PGBD5: variants seen among roughly 807,000 people sequenced by gnomAD.
PGBD5 encodes the protein piggyBac transposable element derived 5.
PGBD5 carries 14 observed loss-of-function variants against 47.9 expected under a neutral mutation model. That is an observed-to-expected ratio of 0.29 (90% CI 0.19 to 0.46). The LOEUF (loss-of-function observed/expected upper bound fraction) is 0.46, where lower values mean the gene tolerates loss of function less well. Ranked by LOEUF, PGBD5 falls within the 20% of genes least tolerant of loss-of-function variation. The pLI is 1.00. For missense variants in PGBD5, 635 were observed against 716.0 expected, an observed-to-expected ratio of 0.89 and a Z score of 1.29; for synonymous variants, 316 against 306.3, an observed-to-expected ratio of 1.03 and a Z score of -0.33.
intron 4 of PGBD5, among the ~76,000 whole-genome samples, chr1:230,335,706 TACACA>T (rs1667303277): frequency 5.2e-3 from 1 of 194 alleles, no homozygotes; most frequent in African/African-American, 0.011. Context: ...TACACATACA[TACACA>T]GGTACACATA....
chr1:230,358,316 G>A lies in PGBD5; in HGVS notation c.332-995C>T, dbSNP rs921251353. ...GGGGAGGGAGGAGATGCAAAGACAC[G>A]TGGTGTTTCTAACACAGGGGCATGG... On this transcript the variant is annotated intron_variant, in intron 1 of 6. Coordinates refer to ENST00000391860, the MANE Select transcript of PGBD5 (RefSeq NM_001258311.2). Among the ~76,000 whole-genome samples, 8 of 152,214 alleles carry A rather than the reference G, an allele frequency of 5.3e-5. No homozygotes were observed. In the South Asian group the frequency reaches 1.2e-3, roughly 24 times the overall value.
chr1:230,354,306 G>T (rs1667602699), intron 2 of PGBD5, among the ~76,000 whole-genome samples: 1 of 152,052 alleles, frequency 6.6e-6, no homozygotes, highest in African/African-American at 2.4e-5. Context: ...GAGTGTGCTG[G>T]GTGTTCTCTG....
chr1:230,382,994 G>A lies in PGBD5; in HGVS notation c.332-25673C>T, dbSNP rs184220151. On this transcript the variant is annotated intron_variant, in intron 1 of 6. Transcript: ENST00000391860. ...TTGGTGGGGCAGCTGTCCGGGCAAT[G>A]GTTCTCTGCCATCTCGCTATTTATT... is the stretch of plus-strand genomic sequence containing the variant. Among the ~76,000 whole-genome samples, 800 of 152,248 alleles carry A rather than the reference G, an allele frequency of 5.3e-3. 1 individual carries two copies. Among genetic ancestry groups the A allele is most frequent in the Non-Finnish European group, 8.2e-3 (557 of 68,002 alleles).
chr1:230,360,191 A>C (rs1300804594), intron 1 of PGBD5, among the ~76,000 whole-genome samples: 1 of 152,216 alleles, frequency 6.6e-6, no homozygotes, highest in Non-Finnish European at 1.5e-5. Context: ...GGCCATTTCA[A>C]AATGAATTCA....
intron 4 of PGBD5, among the ~76,000 whole-genome samples, chr1:230,336,768 G>A (rs908780749): frequency 6.6e-6 from 1 of 152,150 alleles, no homozygotes; most frequent in African/African-American, 2.4e-5. Flanking sequence ...AGACTTCCTA[G>A]AGCCTTACTA....
intron 1 of PGBD5, among the ~76,000 whole-genome samples, chr1:230,362,572 G>A (rs924028380): frequency 6.6e-6 from 1 of 152,158 alleles, no homozygotes; most frequent in Non-Finnish European, 1.5e-5. Flanking sequence ...CTGACTCGGT[G>A]CCTCTCCTTG....
intron 6 of PGBD5, 32 bp downstream of exon 6, chr1:230,325,278 C>T (rs761860519): frequency 6.8e-7 from 1 of 1,471,342 alleles, no homozygotes; most frequent in Non-Finnish European, 9.5e-7. Flanking sequence ...ACTATGAGAG[C>T]CCTTCTGTCA....
intron 1 of PGBD5, among the ~76,000 whole-genome samples, chr1:230,363,447 T>G (rs1667781084): frequency 6.6e-6 from 1 of 152,044 alleles, no homozygotes; most frequent in Non-Finnish European, 1.5e-5. Flanking sequence ...CTGGGTGTGG[T>G]GGCGGGCGCC....
chr1:230,381,736 G>T (rs368326937), intron 1 of PGBD5, among the ~76,000 whole-genome samples: 1 of 152,100 alleles, frequency 6.6e-6, no homozygotes, highest in African/African-American at 2.4e-5. Context: ...TCCCGGAGCC[G>T]CCGTCTGTGT....
At chr1:230,356,474 C>T (rs944303182) in intron 2 of PGBD5, among the ~76,000 whole-genome samples, 2 of 152,174 alleles carry the variant, frequency 1.3e-5, no homozygotes, top group Non-Finnish European at 2.9e-5. Flanking sequence ...AAGAATGGTC[C>T]TAATTCCAGG....
chr1:230,390,187 A>C (rs1226626139), intron 1 of PGBD5, among the ~76,000 whole-genome samples: 1 of 152,128 alleles, frequency 6.6e-6, no homozygotes, highest in Non-Finnish European at 1.5e-5. Context: ...CGCTCTGCCC[A>C]CCATAAGTGG....
chr1:230,408,770 G>C (rs931142351), intron 1 of PGBD5, among the ~76,000 whole-genome samples: 3 of 152,132 alleles, frequency 2.0e-5, no homozygotes, highest in Non-Finnish European at 4.4e-5. Context: ...AGAAAGCATA[G>C]GGTTAAATCT....
At chr1:230,364,880 C>G (rs1362390573) in intron 1 of PGBD5, among the ~76,000 whole-genome samples, 1 of 152,062 alleles carries the variant, frequency 6.6e-6, no homozygotes, top group African/African-American at 2.4e-5. Context: ...ATTAGCCAGA[C>G]GCAGTGGTGT....
At chr1:230,364,096 T>G (rs892995640) in intron 1 of PGBD5, among the ~76,000 whole-genome samples, 7 of 152,176 alleles carry the variant, frequency 4.6e-5, no homozygotes, top group African/African-American at 1.7e-4. Context: ...CCTCAAAGAC[T>G]TTTTCCCTTG....
chr1:230,335,746 GACA>G (rs1558192691), intron 4 of PGBD5, among the ~76,000 whole-genome samples: 1 of 1,510 alleles, frequency 6.6e-4, no homozygotes, highest in Non-Finnish European at 3.6e-3. Flanking sequence ...CTTACACAAA[GACA>G]CACACAGATA....
intron 3 of PGBD5, among the ~76,000 whole-genome samples, chr1:230,346,118 T>G (rs894910372): frequency 4.6e-5 from 7 of 152,190 alleles, no homozygotes; most frequent in African/African-American, 1.4e-4. Flanking sequence ...CTTGGCTGAC[T>G]GTAGCCTTGA....
intron 1 of PGBD5, among the ~76,000 whole-genome samples, chr1:230,360,761 C>T (rs936844874): frequency 5.9e-5 from 9 of 152,170 alleles, no homozygotes; most frequent in African/African-American, 2.2e-4. Flanking sequence ...TTCATAGCAG[C>T]ATGAGAACGG....
intron 1 of PGBD5, among the ~76,000 whole-genome samples, chr1:230,403,645 G>C (rs1401231112): frequency 2.6e-5 from 4 of 152,234 alleles, no homozygotes; most frequent in South Asian, 2.1e-4. Flanking sequence ...GGGCAAAGCA[G>C]CAGGTGGCGC....
chr1:230,367,887 C>T (rs1025499546), intron 1 of PGBD5: 26 of 1,310,780 alleles, frequency 2.0e-5, no homozygotes, highest in East Asian at 5.1e-5. Flanking sequence ...ACCAGACTCC[C>T]GCTCTGCAGG....
Sources: allele counts gnomAD v4.1 joint callset (sites outside exome capture counted in the v4.1 genomes callset), GRCh38; gene constraint gnomAD v4.1.1; transcripts MANE v1.5; gene names NCBI Gene and HGNC (gene_info 2026-07-23, HGNC 2026-07-21).